Variants in IP6K2 observed in about 807,000 individuals in gnomAD.
IP6K2 encodes ATP:1D-myo-inositol-hexakisphosphate phosphotransferase.
In IP6K2, 9 loss-of-function variants were observed where a neutral mutation model predicts 43.3. That is an observed-to-expected ratio of 0.21 (90% CI 0.13 to 0.36). IP6K2 has a LOEUF of 0.36. Ranked by LOEUF, IP6K2 falls within the 10% of genes least tolerant of loss-of-function variation. IP6K2 has a pLI of 1.00. For synonymous variants in IP6K2, 209 were observed against 202.4 expected (o/e 1.03, Z -0.28); for missense variants, 332 against 538.4 (o/e 0.62, Z 3.79).
chr3:48,697,021 CTT>C (rs1174990891), intron 1 of IP6K2, among the ~76,000 whole-genome samples: 6 of 143,864 alleles, frequency 4.2e-5, no homozygotes, highest in Non-Finnish European at 4.6e-5. Context: ...TGAATTTTTA[CTT>C]TTTTTTTTTT....
At chr3:48,693,980 G>C in intron 2 of IP6K2, 1 of 1,386,632 alleles carries the variant, frequency 7.2e-7, no homozygotes, top group Non-Finnish European at 9.4e-7. Context: ...AGGTGCCGAC[G>C]AGCGCCTTAC....
chr3:48,709,549 ACCAGTCAGG>A (rs1346781689), intron 1 of IP6K2, among the ~76,000 whole-genome samples: 1 of 152,200 alleles, frequency 6.6e-6, no homozygotes, highest in Non-Finnish European at 1.5e-5. Flanking sequence ...TTAAGACTAC[ACCAGTCAGG>A]CTGGGCGCGG....
intron 1 of IP6K2, chr3:48,715,526 A>C: frequency 6.8e-7 from 1 of 1,465,208 alleles, no homozygotes; most frequent in Non-Finnish European, 9.2e-7. Context: ...TCACCTAGGA[A>C]GCTTTGAAAC....
chr3:48,693,187 G>T lies in IP6K2; in HGVS notation c.203-8C>A, dbSNP rs1304217512. The stretch of plus-strand genomic sequence containing the variant: ...AGCGCACAGATACCACACCTGGAAG[G>T]GGGTGAGGAGCAGAAAGAACTTTTA... On this transcript the variant is annotated splice_polypyrimidine_tract_variant and splice_region_variant and intron_variant, in intron 2 of 5. Coordinates refer to ENST00000328631, the MANE Select transcript of IP6K2 (RefSeq NM_016291.4). 11 of 1,604,674 alleles carry T rather than the reference G, an allele frequency of 6.9e-6. No homozygotes were observed. The highest frequency in any genetic ancestry group is 9.4e-6 in the Non-Finnish European group (11 of 1,171,708).
Position 48,702,218 on chromosome 3 carries a change from G to A in IP6K2, c.-130-6797C>T, listed in dbSNP as rs368727790. 3.3e-5 allele frequency among the ~76,000 whole-genome samples: 5 copies of A among 152,100 alleles called. No individual in the cohort carries two copies. The East Asian group carries it at 5.8e-4, about 18-fold the overall frequency. On this transcript the variant is annotated intron_variant, in intron 1 of 5. Coordinates refer to ENST00000328631, the MANE Select transcript of IP6K2 (RefSeq NM_016291.4). ...TGTACTCCAGCCTGGGCAAAAGAGC[G>A]AGACTCCATGTCAAAAAAAAATAAA...
At chr3:48,689,449 G>T in intron 5 of IP6K2, 89 bp downstream of exon 5, 2 of 1,381,020 alleles carry the variant, frequency 1.4e-6, no homozygotes, top group Non-Finnish European at 2.0e-6. Flanking sequence ...ACTGCACCTG[G>T]CCTGGAATCT....
At chr3:48,715,452 C>T (rs2081086678) in intron 1 of IP6K2, 1 of 1,535,808 alleles carries the variant, frequency 6.5e-7, no homozygotes, top group Non-Finnish European at 8.7e-7. Flanking sequence ...GTGGTTGCTC[C>T]TTCTTTCCTG....
intron 3 of IP6K2, among the ~76,000 whole-genome samples, chr3:48,692,365 G>A (rs2077875631): frequency 6.6e-6 from 1 of 152,196 alleles, no homozygotes; most frequent in African/African-American, 2.4e-5. Flanking sequence ...TATGTGGAGA[G>A]CCTTCACTGC....
intron 4 of IP6K2, 137 bp from the exon 5 acceptor site, chr3:48,689,850 G>A (rs1395490162): frequency 6.0e-6 from 4 of 665,604 alleles, no homozygotes; most frequent in African/African-American, 3.6e-5. Context: ...TGCCATCCCC[G>A]ACACAGGGAG....
Position 48,694,484 on chromosome 3 carries a change from C to T in IP6K2, c.202+606G>A, listed in dbSNP as rs1231951058. On this transcript the variant is annotated intron_variant, in intron 2 of 5. Coordinates refer to ENST00000328631, the MANE Select transcript of IP6K2 (RefSeq NM_016291.4). The stretch of plus-strand genomic sequence containing the variant: ...TTGATTTACAAAAGACTCCCCCACT[C>T]CCCAACAAAGACCCCACCATGCTGG... 3 of 1,548,124 alleles carry T rather than the reference C, an allele frequency of 1.9e-6. No individual in the cohort carries two copies. In the East Asian group the frequency reaches 7.3e-5, roughly 38 times the overall value.
rs1270400879 is a variant in IP6K2, at chr3:48,694,626, C to T, written c.202+464G>A. ...GGGGACATTCTGTAACAGCAAAGGG[C>T]TTGGGCTAATCAGCACAGGCCTCCC... is the stretch of plus-strand genomic sequence containing the variant. On this transcript the variant is annotated intron_variant, in intron 2 of 5. Coordinates refer to ENST00000328631, the MANE Select transcript of IP6K2 (RefSeq NM_016291.4). The T allele has an allele frequency of 8.6e-6, 13 of 1,519,802 alleles. No homozygotes were observed. In the Admixed American group the frequency reaches 3.2e-4, roughly 38 times the overall value. 94.1% of individuals were successfully genotyped at this position (1,519,802 alleles called of 1,614,324 possible).
chr3:48,694,981 A>G (rs527477360), intron 2 of IP6K2, 109 bp downstream of exon 2: 73 of 1,604,262 alleles, frequency 4.6e-5, no homozygotes, highest in Non-Finnish European at 6.1e-5. Context: ...GGGAAAGCAC[A>G]GAGTGGGAGG....
In IP6K2 at chr3:48,695,588, CAA is replaced by C; in HGVS notation, c.-130-169_-130-168del. 1 of 882,256 alleles carries C rather than the reference CAA, an allele frequency of 1.1e-6. No homozygotes were observed. The highest frequency in any genetic ancestry group is 1.5e-6 in the Non-Finnish European group (1 of 659,208). 54.7% of individuals were successfully genotyped at this position (882,256 alleles called of 1,614,324 possible). ...GCCCCCGCCTTCTCCGGCAGAAAAA[CAA>C]AAACACTATGAGCTCATGGGGCGGG... On this transcript the variant is annotated intron_variant, in intron 1 of 5. Coordinates refer to ENST00000328631, the MANE Select transcript of IP6K2 (RefSeq NM_016291.4). The surrounding 1 kb of genome is among the most constrained non-coding windows in gnomAD (Gnocchi z 4.6).
rs771788541 is a variant in IP6K2 at position 48,688,620 on chromosome 3, T to C, written c.934A>G (p.Thr312Ala). 3.7e-6 allele frequency: 6 copies of C among 1,614,228 alleles called. No individual in the cohort carries two copies. In the Admixed American group the frequency reaches 6.7e-5, roughly 18 times the overall value. ...CGCTCCAACACTGCCTTGAGCTCAG[T>C]CAGCTTCTTGAGCACAGGGCCCAGG... Reference protein sequence around the residue: ...ELLGPVLKKLTELKAVLERQE... With the variant: ...ELLGPVLKKLAELKAVLERQE... The change falls in exon 6 of 6, where the codon ACT becomes GCT. Residue 312 changes from threonine (T) to alanine (A), a missense_variant. By Grantham distance (58) the Thr-to-Ala change is moderately conservative. Coordinates refer to ENST00000328631, the MANE Select transcript of IP6K2 (RefSeq NM_016291.4). This position sits in a 1 kb window ranked among gnomAD's most constrained non-coding sequence, Gnocchi z 5.1.
chr3:48,701,351 G>A (rs184443855), intron 1 of IP6K2, among the ~76,000 whole-genome samples: 23 of 152,136 alleles, frequency 1.5e-4, no homozygotes, highest in African/African-American at 5.3e-4. Context: ...CGGATTGCCT[G>A]AGCTCAGAAG....
chr3:48,692,480 G>A (rs143856077), intron 3 of IP6K2, among the ~76,000 whole-genome samples: 9 of 152,308 alleles, frequency 5.9e-5, no homozygotes, highest in African/African-American at 2.2e-4. Context: ...ATGGGACTAC[G>A]TCAACCTACT....
chr3:48,705,426 C>G (rs1386338746), intron 1 of IP6K2, among the ~76,000 whole-genome samples: 1 of 151,966 alleles, frequency 6.6e-6, no homozygotes. Context: ...CATCTGTAAT[C>G]CCAGCACTTT....
chr3:48,694,494 G>T, intron 2 of IP6K2: 1 of 1,546,464 alleles, frequency 6.5e-7, no homozygotes. Flanking sequence ...CCCCAACAAA[G>T]ACCCCACCAT....
At chr3:48,704,039 C>T (rs140777004) in intron 1 of IP6K2, among the ~76,000 whole-genome samples, 1 of 151,872 alleles carries the variant, frequency 6.6e-6, no homozygotes, top group Non-Finnish European at 1.5e-5. Context: ...CTGCAGTGAC[C>T]GGAGATTGCG....
Sources: gnomAD v4.1 joint callset for allele counts (sites outside exome capture counted in the v4.1 genomes callset) on GRCh38, gnomAD v4.1.1 for gene constraint, Gnocchi (gnomAD v3.1) non-coding constraint, MANE v1.5 for transcripts, NCBI Gene and HGNC (gene_info 2026-07-23, HGNC 2026-07-21) for gene names.